Variants in TRAM2 observed in about 807,000 individuals in gnomAD.
The protein encoded by TRAM2 is translocation associated membrane protein 2, also known as translocating chain-associated membrane protein 2.
A neutral mutation model predicts 51.0 loss-of-function variants in TRAM2; 12 were observed. The ratio of observed to expected loss-of-function variants is 0.24; its 90% CI spans 0.15 to 0.38. The LOEUF is 0.38. TRAM2 is among the 10% of genes least tolerant of loss of function. TRAM2 has a pLI of 1.00. For synonymous variants in TRAM2, 175 were observed against 179.4 expected (o/e 0.98, Z 0.20); for missense variants, 361 against 462.0 (o/e 0.78, Z 2.00).
In TRAM2 at chr6:52,498,013, T is replaced by C. The variant is rs1274774835; in HGVS notation, c.*5184A>G. 1.3e-5 allele frequency: 2 copies of C among 152,156 alleles called. No homozygotes were observed. The highest frequency in any genetic ancestry group is 2.9e-5 in the Non-Finnish European group (2 of 68,034). 9.4% of individuals were successfully genotyped at this position (152,156 alleles called of 1,614,324 possible). On this transcript the variant is annotated 3_prime_UTR_variant, in exon 11 of 11. Transcript: ENST00000182527. ...CTGGACAATGACTTAAGCCCCATCG[T>C]GAGAATGGTTTTTTCCTCTTCAACA...
At chr6:52,553,893 T>C (rs535542607) in intron 1 of TRAM2, among the ~76,000 whole-genome samples, 36 of 152,318 alleles carry the variant, frequency 2.4e-4, no homozygotes, top group Middle Eastern at 3.4e-3. Flanking sequence ...TTTTTTATCA[T>C]TGCTTTGTCA....
At chr6:52,543,107 A>T (rs779115566) in intron 1 of TRAM2, among the ~76,000 whole-genome samples, 6 of 152,180 alleles carry the variant, frequency 3.9e-5, no homozygotes, top group Non-Finnish European at 8.8e-5. Context: ...TATATAAAAC[A>T]TACGAATTTG....
intron 1 of TRAM2, among the ~76,000 whole-genome samples, chr6:52,562,411 G>T (rs1007095421): frequency 6.6e-6 from 1 of 152,164 alleles, no homozygotes; most frequent in Non-Finnish European, 1.5e-5. Flanking sequence ...ACTTGTATGA[G>T]GTGCCAGAGG....
chr6:52,561,854 C>T (rs62405875), intron 1 of TRAM2, among the ~76,000 whole-genome samples: 18,435 of 152,148 alleles, frequency 0.12, 1,556 homozygotes, highest in Admixed American at 0.29. Context: ...GCAATCCACC[C>T]GCCTTGGCCT....
intron 1 of TRAM2, among the ~76,000 whole-genome samples, chr6:52,573,115 G>A (rs997901173): frequency 6.6e-6 from 1 of 152,076 alleles, no homozygotes; most frequent in African/African-American, 2.4e-5. Context: ...CATTTTAAAG[G>A]TAGTATATAA....
intron 2 of TRAM2, among the ~76,000 whole-genome samples, chr6:52,534,066 C>A (rs888547294): frequency 1.6e-5 from 2 of 128,936 alleles, no homozygotes; most frequent in Non-Finnish European, 3.1e-5. Context: ...GCCTGGGCAA[C>A]AAGAGGGAAA....
At chr6:52,568,183 C>G (rs1174840036) in intron 1 of TRAM2, among the ~76,000 whole-genome samples, 1 of 152,216 alleles carries the variant, frequency 6.6e-6, no homozygotes. Context: ...GCTGCAGGCC[C>G]TCCATTGGCA....
At chr6:52,525,833 AT>A (rs946842716) in intron 2 of TRAM2, among the ~76,000 whole-genome samples, 1 of 152,188 alleles carries the variant, frequency 6.6e-6, no homozygotes, top group African/African-American at 2.4e-5. Context: ...CTTTACAGAG[AT>A]AAATTAAAAT....
In TRAM2 at chr6:52,576,899, C is replaced by T. The variant is rs893631122; in HGVS notation, c.17G>A (p.Arg6Lys). MAFRR[R>K]TKSYPLFSQE... The stretch of plus-strand genomic sequence containing the variant: ...GCTGAAGAGCGGGTAACTTTTCGTC[C>T]TCCTGCGGAAAGCCATGGCAGCGGG... The change falls in exon 1 of 11, where the codon AGG (arginine) becomes AAG (lysine). Residue 6 changes from arginine to lysine, a missense_variant. Arg to Lys is a conservative substitution (Grantham distance 26). Coordinates refer to ENST00000182527, the MANE Select transcript of TRAM2 (RefSeq NM_012288.4). 2 of 1,612,930 alleles carry T rather than the reference C, an allele frequency of 1.2e-6. No individual in the cohort carries two copies. The highest frequency in any genetic ancestry group is 1.3e-5 in the African/African-American group (1 of 74,874).
At chr6:52,535,967 G>C in intron 1 of TRAM2, 121 bp from the exon 2 acceptor site, 1 of 732,690 alleles carries the variant, frequency 1.4e-6, no homozygotes. Context: ...GAACGGTTCT[G>C]CCTAATGCAG....
chr6:52,547,663 C>T (rs1258568980), intron 1 of TRAM2, among the ~76,000 whole-genome samples: 2 of 152,242 alleles, frequency 1.3e-5, no homozygotes, highest in African/African-American at 2.4e-5. Context: ...TCTAGAGGGA[C>T]AGGCAGGGCC....
intron 7 of TRAM2, 102 bp from the exon 8 acceptor site, chr6:52,506,238 C>CT: frequency 1.0e-6 from 1 of 1,001,016 alleles, no homozygotes; most frequent in South Asian, 1.4e-5. Flanking sequence ...TGGCTGGGCT[C>CT]TGCTTTCCAC....
At chr6:52,555,580 C>A (rs77045894) in intron 1 of TRAM2, among the ~76,000 whole-genome samples, 177 of 152,200 alleles carry the variant, frequency 1.2e-3, no homozygotes, top group East Asian at 3.7e-3. Context: ...AAGGCCCACA[C>A]CAATATGGTA....
chr6:52,568,274 T>G (rs1369160496), intron 1 of TRAM2, among the ~76,000 whole-genome samples: 1 of 152,214 alleles, frequency 6.6e-6, no homozygotes, highest in Non-Finnish European at 1.5e-5. Flanking sequence ...ACCCTGCTAT[T>G]CTTTTAAAAA....
chr6:52,513,977 T>C (rs1766496732), intron 4 of TRAM2, among the ~76,000 whole-genome samples: 1 of 152,156 alleles, frequency 6.6e-6, no homozygotes, highest in African/African-American at 2.4e-5. Flanking sequence ...GGCCAGATAG[T>C]TCTTTGTTGT....
chr6:52,559,654 T>C (rs1767465414), intron 1 of TRAM2, among the ~76,000 whole-genome samples: 1 of 152,220 alleles, frequency 6.6e-6, no homozygotes, highest in African/African-American at 2.4e-5. Context: ...AAGTGCTCTA[T>C]AAATGCTACC....
chr6:52,552,215 T>C (rs11757093), intron 1 of TRAM2, among the ~76,000 whole-genome samples: 5,016 of 152,198 alleles, frequency 0.033, 125 homozygotes, highest in Non-Finnish European at 0.057. Context: ...TCCAGGCTCC[T>C]CCCCCATGCA....
intron 1 of TRAM2, among the ~76,000 whole-genome samples, chr6:52,561,322 A>T (rs1220598005): frequency 6.6e-6 from 1 of 151,944 alleles, no homozygotes; most frequent in African/African-American, 2.4e-5. Context: ...TCGCTCTGTC[A>T]CCCAGGCTGA....
chr6:52,576,690 C>G lies in TRAM2; in HGVS notation c.120+106G>C. ...GGGGTGCAGATAACGTACACGGCAG[C>G]CAGGAGCCTCCGATCAGAGGAGGGC... is the stretch of plus-strand genomic sequence containing the variant. On this transcript the variant is annotated intron_variant, in intron 1 of 10. Transcript: ENST00000182527. 3 of 1,436,556 alleles carry G rather than the reference C, an allele frequency of 2.1e-6. No homozygotes were observed. The East Asian group carries it at 7.8e-5, about 37-fold the overall frequency. The allele number at this position is 1,436,556 out of a possible 1,614,324, so 89.0% of individuals were successfully genotyped here. A position where few individuals can be genotyped will look rare whatever the true frequency, so the allele number is the denominator to read the frequency against.
Sources: gnomAD v4.1 joint callset for allele counts (sites outside exome capture counted in the v4.1 genomes callset) on GRCh38, gnomAD v4.1.1 for gene constraint, MANE v1.5 for transcripts, NCBI Gene and HGNC (gene_info 2026-07-23, HGNC 2026-07-21) for gene names.